NRG1: variants seen among roughly 807,000 people sequenced by gnomAD.
NRG1 encodes neuregulin 1, also known as pro-neuregulin-1, membrane-bound isoform.
In NRG1, 18 loss-of-function variants were observed where a neutral mutation model predicts 63.8. That is an observed-to-expected ratio of 0.28 (90% CI 0.19 to 0.42). The LOEUF (loss-of-function observed/expected upper bound fraction) is 0.42. Ranked by LOEUF, NRG1 falls within the 10% of genes least tolerant of loss-of-function variation. The pLI, the probability that NRG1 is intolerant of heterozygous loss-of-function variation, is 1.00. For synonymous variants in NRG1, 302 were observed against 301.3 expected (o/e 1.00, Z -0.02); for missense variants, 762 against 814.7 (o/e 0.94, Z 0.79).
At chr8:32,271,054 G>A (rs891252337) in intron 1 of NRG1, among the ~76,000 whole-genome samples, 1 of 152,100 alleles carries the variant, frequency 6.6e-6, no homozygotes, top group Admixed American at 6.5e-5. Flanking sequence ...GGGCCTTTTT[G>A]CCCTCTTTTC....
chr8:32,066,942 T>C (rs1031638532), intron 1 of NRG1, among the ~76,000 whole-genome samples: 1 of 152,070 alleles, frequency 6.6e-6, no homozygotes, highest in Non-Finnish European at 1.5e-5. Flanking sequence ...TTTATTCTCT[T>C]TGAAGCAATT....
intron 5 of NRG1, among the ~76,000 whole-genome samples, chr8:32,665,965 T>G (rs1232233954): frequency 6.6e-6 from 1 of 152,216 alleles, no homozygotes; most frequent in Non-Finnish European, 1.5e-5. Flanking sequence ...AATTCAAAGA[T>G]GCATTCCTAT....
At chr8:31,779,868 C>G (rs767282575) in intron 1 of NRG1, among the ~76,000 whole-genome samples, 3 of 152,192 alleles carry the variant, frequency 2.0e-5, no homozygotes, top group African/African-American at 2.4e-5. Flanking sequence ...TTATACCAAA[C>G]AGATCACTGA....
intron 1 of NRG1, among the ~76,000 whole-genome samples, chr8:32,118,536 G>A (rs1344409144): frequency 6.6e-6 from 1 of 152,072 alleles, no homozygotes; most frequent in Non-Finnish European, 1.5e-5. Flanking sequence ...AAGTAACTGA[G>A]CCTCAGGTAT....
chr8:31,973,467 A>T (rs1282229093), intron 1 of NRG1, among the ~76,000 whole-genome samples: 3 of 152,204 alleles, frequency 2.0e-5, no homozygotes, highest in Non-Finnish European at 4.4e-5. Context: ...TTGAGAAGGG[A>T]GTAGAGAGAT....
At chr8:32,704,857 G>A (rs1009615674) in intron 5 of NRG1, among the ~76,000 whole-genome samples, 2 of 152,134 alleles carry the variant, frequency 1.3e-5, no homozygotes, top group African/African-American at 4.8e-5. Context: ...GCCAATAAAA[G>A]CTATACAAAG....
chr8:32,486,132 G>A (rs185278164), intron 1 of NRG1, among the ~76,000 whole-genome samples: 6 of 151,932 alleles, frequency 3.9e-5, no homozygotes, highest in East Asian at 1.9e-4. Flanking sequence ...GGGTTTTGCC[G>A]TGTTGGCCAG....
chr8:31,890,650 C>T (rs1306100684), intron 1 of NRG1, among the ~76,000 whole-genome samples: 1 of 152,138 alleles, frequency 6.6e-6, no homozygotes, highest in Non-Finnish European at 1.5e-5. Context: ...ACATCAGACA[C>T]ATGCTAATGA....
chr8:32,058,340 T>A (rs1010561317), intron 1 of NRG1, among the ~76,000 whole-genome samples: 2 of 152,078 alleles, frequency 1.3e-5, no homozygotes, highest in East Asian at 1.9e-4. Context: ...TAAATAAGGA[T>A]CTGACTTTAT....
intron 1 of NRG1, among the ~76,000 whole-genome samples, chr8:31,677,368 T>C (rs1333095068): frequency 6.6e-6 from 1 of 152,136 alleles, no homozygotes; most frequent in Non-Finnish European, 1.5e-5. Flanking sequence ...ATAGAATCTA[T>C]GTAGGGATAT....
At chr8:31,647,744 G>A (rs1007681315) in intron 1 of NRG1, among the ~76,000 whole-genome samples, 4 of 152,130 alleles carry the variant, frequency 2.6e-5, no homozygotes, top group South Asian at 2.1e-4. Context: ...GGACACCTCC[G>A]GACAATCCTT....
intron 1 of NRG1, among the ~76,000 whole-genome samples, chr8:31,808,306 A>G (rs1399616351): frequency 6.6e-6 from 1 of 151,834 alleles, no homozygotes; most frequent in Admixed American, 6.6e-5. Flanking sequence ...ACATTATTTC[A>G]TCTTTTGTTT....
At chr8:32,082,271 G>C (rs1000494929) in intron 1 of NRG1, among the ~76,000 whole-genome samples, 1 of 150,562 alleles carries the variant, frequency 6.6e-6, no homozygotes, top group Admixed American at 6.6e-5. Context: ...GTAAACTAAT[G>C]TCATAGGGGT....
At chr8:32,661,672 T>G (rs1284885149) in intron 5 of NRG1, among the ~76,000 whole-genome samples, 2 of 152,128 alleles carry the variant, frequency 1.3e-5, no homozygotes, top group South Asian at 4.1e-4. Context: ...AATTAGATAA[T>G]TCTTTAATGG....
chr8:32,276,397 A>C (rs1247450757), intron 1 of NRG1, among the ~76,000 whole-genome samples: 2 of 152,164 alleles, frequency 1.3e-5, no homozygotes, highest in African/African-American at 4.8e-5. Flanking sequence ...TTACAGCTGA[A>C]TAGTATTCCA....
intron 1 of NRG1, among the ~76,000 whole-genome samples, chr8:32,358,038 T>C (rs1196060092): frequency 6.6e-6 from 1 of 152,166 alleles, no homozygotes; most frequent in East Asian, 1.9e-4. Flanking sequence ...TCCAATAAGA[T>C]ATAAGTATAC....
intron 1 of NRG1, among the ~76,000 whole-genome samples, chr8:31,679,686 A>C (rs756122347): frequency 2.0e-5 from 3 of 152,180 alleles, no homozygotes; most frequent in Non-Finnish European, 2.9e-5. Context: ...ATTTCTATGC[A>C]GCATTATTAT....
At position 32,711,061 on chromosome 8, in the gene NRG1, G is replaced by A. The variant is rs184914933; in HGVS notation, c.503-16888G>A. On this transcript the variant is annotated intron_variant, in intron 5 of 11. Transcript: ENST00000356819. ...TATGGCTTCTCTAATGGCCTTGTTT[G>A]TTTTTAGCTACAAGGTGACATATAT... Among the ~76,000 whole-genome samples the A allele has an allele frequency of 2.6e-3, 389 of 152,196 alleles. 1 individual carries two copies. Among genetic ancestry groups the A allele is most frequent in the African/African-American group, 8.4e-3 (347 of 41,550 alleles).
At chr8:31,658,631 T>C (rs2130923432) in intron 1 of NRG1, among the ~76,000 whole-genome samples, 1 of 152,228 alleles carries the variant, frequency 6.6e-6, no homozygotes, top group Middle Eastern at 3.4e-3. Context: ...CCTGGCTAAT[T>C]TTTGTATTTT....
Sources: gnomAD v4.1 joint callset for allele counts (sites outside exome capture counted in the v4.1 genomes callset) on GRCh38, gnomAD v4.1.1 for gene constraint, MANE v1.5 for transcripts, NCBI Gene and HGNC (gene_info 2026-07-23, HGNC 2026-07-21) for gene names.